The following LIN7A variants were observed in gnomAD, a reference collection of about 807,000 sequenced individuals.
LIN7A encodes protein lin-7 homolog A.
A neutral mutation model predicts 29.8 loss-of-function variants in LIN7A; 25 were observed. The ratio of observed to expected loss-of-function variants is 0.84; its 90% confidence interval spans 0.61 to 1.17. The LOEUF (loss-of-function observed/expected upper bound fraction) is 1.17, where lower values mean the gene tolerates loss of function less well. Among genes scored for constraint, LIN7A ranks in the 50% most tolerant of loss-of-function variants. The pLI is 0.00. For synonymous variants in LIN7A, 118 were observed against 107.5 expected, an observed-to-expected ratio of 1.10 and a Z score of -0.60; for missense variants, 239 against 287.0, an observed-to-expected ratio of 0.83 and a Z score of 1.21.
chr12:80,845,589 A>G, intron 4 of LIN7A, 141 bp downstream of exon 4: 1 of 609,804 alleles, frequency 1.6e-6, no homozygotes, highest in South Asian at 2.3e-5. Flanking sequence ...TATAGGTTTA[A>G]TATCCATCAA....
chr12:80,845,951 A>C lies in LIN7A; in HGVS notation c.274-12T>G, dbSNP rs751228960. 2 of 1,583,958 alleles carry C rather than the reference A, an allele frequency of 1.3e-6. No individual in the cohort carries two copies. The highest frequency in any genetic ancestry group is 2.2e-5 in the East Asian group (1 of 44,648). ...GCTGCAACTGTTGCCTGAAAAAAAA[A>C]AAAAAAGATGGTCTTTTGGTAATAA... On this transcript the variant is annotated splice_polypyrimidine_tract_variant and intron_variant, in intron 3 of 5. Coordinates refer to ENST00000552864, the MANE Select transcript of LIN7A (RefSeq NM_004664.4).
intron 4 of LIN7A, among the ~76,000 whole-genome samples, chr12:80,843,135 A>G (rs973117952): frequency 6.6e-6 from 1 of 152,168 alleles, no homozygotes; most frequent in Non-Finnish European, 1.5e-5. Context: ...AATGTTATAA[A>G]TGGAACTTAA....
chr12:80,833,310 C>T (rs1056341324), intron 4 of LIN7A, among the ~76,000 whole-genome samples: 6 of 152,176 alleles, frequency 3.9e-5, no homozygotes, highest in African/African-American at 1.2e-4. Flanking sequence ...CTTGGTAACT[C>T]CCTATTCTTC....
intron 2 of LIN7A, among the ~76,000 whole-genome samples, chr12:80,871,089 C>A (rs1874406882): frequency 6.6e-6 from 1 of 152,050 alleles, no homozygotes; most frequent in African/African-American, 2.4e-5. Context: ...GTTTGTTAGA[C>A]AAAATTAAGA....
intron 2 of LIN7A, among the ~76,000 whole-genome samples, chr12:80,885,199 C>G (rs1003161439): frequency 6.6e-5 from 10 of 152,092 alleles, no homozygotes; most frequent in African/African-American, 2.4e-4. Flanking sequence ...CAGTTGTCTT[C>G]GGGAATTCTC....
intron 1 of LIN7A, among the ~76,000 whole-genome samples, chr12:80,911,268 ATTT>A (rs768907424): frequency 4.7e-5 from 5 of 105,886 alleles, no homozygotes; most frequent in South Asian, 3.0e-4. Flanking sequence ...AAGTTTGTCT[ATTT>A]TTTTTTTTTT....
chr12:80,900,833 A>G (rs1436316296), intron 1 of LIN7A, among the ~76,000 whole-genome samples: 2 of 152,212 alleles, frequency 1.3e-5, no homozygotes, highest in African/African-American at 4.8e-5. Flanking sequence ...AACAACATTT[A>G]GAATTCTTAC....
chr12:80,927,572 C>A (rs2701285), intron 1 of LIN7A, among the ~76,000 whole-genome samples: 1 of 151,986 alleles, frequency 6.6e-6, no homozygotes, highest in African/African-American at 2.4e-5. Flanking sequence ...TTTCAGTTAA[C>A]ACAGTGTGAT....
intron 2 of LIN7A, among the ~76,000 whole-genome samples, chr12:80,881,087 A>T (rs537162514): frequency 6.6e-6 from 1 of 152,180 alleles, no homozygotes; most frequent in Non-Finnish European, 1.5e-5. Flanking sequence ...AAACATGTCA[A>T]AAGTTTCATG....
At chr12:80,824,363 A>G (rs1029319633) in intron 4 of LIN7A, among the ~76,000 whole-genome samples, 2 of 152,168 alleles carry the variant, frequency 1.3e-5, no homozygotes, top group African/African-American at 4.8e-5. Context: ...TAAGACAGAA[A>G]TGGTAATAAA....
At chr12:80,919,361 C>T (rs1043129951) in intron 1 of LIN7A, among the ~76,000 whole-genome samples, 1 of 152,172 alleles carries the variant, frequency 6.6e-6, no homozygotes, top group African/African-American at 2.4e-5. Context: ...GCTCCCTGAC[C>T]TGTGGGAGAG....
At chr12:80,871,014 A>G (rs530112121) in intron 2 of LIN7A, among the ~76,000 whole-genome samples, 35 of 152,330 alleles carry the variant, frequency 2.3e-4, no homozygotes, top group African/African-American at 7.5e-4. Context: ...AAAGCATTCA[A>G]ATAGAAATGA....
chr12:80,842,230 G>T, intron 4 of LIN7A: 1 of 775,808 alleles, frequency 1.3e-6, no homozygotes, highest in Non-Finnish European at 1.8e-6. Flanking sequence ...AACATTCCAT[G>T]TTAATAGTTC....
At chr12:80,882,531 G>T (rs1192540553) in intron 2 of LIN7A, among the ~76,000 whole-genome samples, 1 of 151,320 alleles carries the variant, frequency 6.6e-6, no homozygotes, top group African/African-American at 2.4e-5. Context: ...TGATCCGCCC[G>T]CCTCGGCCTC....
In LIN7A at chr12:80,807,063, G is replaced by GTTTTTTTTTTTTTTTTTTTTTTTTTTT. The variant is rs71094991; in HGVS notation, c.*4375_*4401dup. 9.3e-5 allele frequency among the ~76,000 whole-genome samples: 5 copies of GTTTTTTTTTTTTTTTTTTTTTTTTTTT among 53,592 alleles called. 1 individual carries two copies. Among genetic ancestry groups the GTTTTTTTTTTTTTTTTTTTTTTTTTTT allele is most frequent in the African/African-American group, 3.5e-4 (4 of 11,532 alleles). The allele number at this position is 53,592 out of a possible 152,430, so 35.2% of individuals were successfully genotyped here. ...CCATAGGAAATTTAATGAAGATGGA[G>GTTTTTTTTTTTTTTTTTTTTTTTTTTT]TTTTTTTTTTTTTTTTTTTTTTTTT... is the stretch of plus-strand genomic sequence containing the variant. On this transcript the variant is annotated intron_variant, in intron 5 of 5. Coordinates refer to ENST00000552864, the MANE Select transcript of LIN7A (RefSeq NM_004664.4).
chr12:80,857,888 G>A (rs7299714), intron 2 of LIN7A, among the ~76,000 whole-genome samples: 51,561 of 151,968 alleles, frequency 0.34, 10,277 homozygotes, highest in African/African-American at 0.56. Flanking sequence ...CATGAGAAAC[G>A]TCTCCAGCAC....
intron 4 of LIN7A, chr12:80,841,786 C>T: frequency 1.7e-6 from 1 of 597,516 alleles, no homozygotes; most frequent in Non-Finnish European, 2.1e-6. Context: ...TATAAATAGT[C>T]CTTGAGTTCT....
chr12:80,849,752 C>T (rs1054104096), intron 2 of LIN7A, among the ~76,000 whole-genome samples: 1 of 152,130 alleles, frequency 6.6e-6, no homozygotes, highest in Non-Finnish European at 1.5e-5. Context: ...TAGGTCTCTG[C>T]ACATGCCGTT....
intron 4 of LIN7A, among the ~76,000 whole-genome samples, chr12:80,836,896 C>T (rs894752410): frequency 1.3e-5 from 2 of 151,620 alleles, no homozygotes; most frequent in African/African-American, 4.8e-5. Flanking sequence ...AAGGTCTTTG[C>T]TGTGCAGCAG....
Sources: allele counts gnomAD v4.1 joint callset (sites outside exome capture counted in the v4.1 genomes callset), GRCh38; gene constraint gnomAD v4.1.1; transcripts MANE v1.5; gene names NCBI Gene and HGNC (gene_info 2026-07-23, HGNC 2026-07-21).